SNX29: variants seen among roughly 807,000 people sequenced by gnomAD.
The protein encoded by SNX29 is sorting nexin 29.
Under a neutral mutation model 102.1 loss-of-function variants are expected in SNX29, and 78 were observed. The ratio of observed to expected loss-of-function variants is 0.76; its 90% CI spans 0.64 to 0.92. The LOEUF is 0.92. Ranked by LOEUF, SNX29 falls within the 40% of genes least tolerant of loss-of-function variation. SNX29 has a pLI of 0.00. For missense variants in SNX29, 1,280 were observed against 1,061.7 expected, an observed-to-expected ratio of 1.21 and a Z score of -2.86; for synonymous variants, 580 against 414.5, an observed-to-expected ratio of 1.40 and a Z score of -4.85.
At chr16:12,089,978 C>T (rs967136877) in intron 11 of SNX29, 1 of 207,628 alleles carries the variant, frequency 4.8e-6, no homozygotes, top group Non-Finnish European at 1.0e-5. Context: ...GCCCTAAGCA[C>T]GGTGCCCTAA....
intron 15 of SNX29, among the ~76,000 whole-genome samples, chr16:12,298,220 G>A (rs894976480): frequency 6.6e-6 from 1 of 152,134 alleles, no homozygotes; most frequent in Non-Finnish European, 1.5e-5. Context: ...AATTGATGTG[G>A]AATGATCAAT....
At chr16:12,228,868 C>G (rs1567335015) in intron 14 of SNX29, among the ~76,000 whole-genome samples, 1 of 152,266 alleles carries the variant, frequency 6.6e-6, no homozygotes, top group African/African-American at 2.4e-5. Context: ...AGAGGGACTT[C>G]ATTGCAAAGC....
At chr16:12,069,507 A>T (rs2051193082) in intron 10 of SNX29, among the ~76,000 whole-genome samples, 1 of 152,090 alleles carries the variant, frequency 6.6e-6, no homozygotes, top group Non-Finnish European at 1.5e-5. Context: ...ACCTCAGGTG[A>T]TCTGCCCACC....
chr16:12,466,375 A>C (rs1450957680), intron 18 of SNX29, among the ~76,000 whole-genome samples: 3 of 152,254 alleles, frequency 2.0e-5, no homozygotes, highest in Non-Finnish European at 2.9e-5. Flanking sequence ...GAACCATCTG[A>C]AAACACAAAT....
At chr16:12,537,929 G>A (rs891625505) in intron 20 of SNX29, among the ~76,000 whole-genome samples, 2 of 150,004 alleles carry the variant, frequency 1.3e-5, no homozygotes, top group Non-Finnish European at 2.9e-5. Flanking sequence ...AGGTTGCAGT[G>A]AGCTGAGATC....
chr16:12,530,078 C>T (rs1398142460), intron 20 of SNX29, among the ~76,000 whole-genome samples: 1 of 152,230 alleles, frequency 6.6e-6, no homozygotes, highest in Non-Finnish European at 1.5e-5. Flanking sequence ...TCCAACTACT[C>T]CCTCTTGCTT....
At chr16:12,347,728 T>C (rs1381101085) in intron 15 of SNX29, among the ~76,000 whole-genome samples, 1 of 152,118 alleles carries the variant, frequency 6.6e-6, no homozygotes, top group Non-Finnish European at 1.5e-5. Context: ...CATCCCTTTG[T>C]ACCTCGTGAC....
chr16:12,286,057 A>G (rs2079584987), intron 15 of SNX29, among the ~76,000 whole-genome samples: 1 of 151,762 alleles, frequency 6.6e-6, no homozygotes, highest in Admixed American at 6.6e-5. Context: ...TGGCCAGGCT[A>G]GTCTCAAACT....
intron 14 of SNX29, among the ~76,000 whole-genome samples, chr16:12,274,159 C>T (rs369596099): frequency 6.6e-6 from 1 of 152,200 alleles, no homozygotes; most frequent in African/African-American, 2.4e-5. Flanking sequence ...TGCCTTTATC[C>T]TGCCTCTCAC....
intron 18 of SNX29, among the ~76,000 whole-genome samples, chr16:12,409,925 A>G (rs1357777871): frequency 6.6e-6 from 1 of 152,210 alleles, no homozygotes; most frequent in South Asian, 2.1e-4. Flanking sequence ...CATTTGCGCA[A>G]CAGAACCGAT....
At chr16:12,372,141 TAC>T (rs1306007132) in intron 16 of SNX29, among the ~76,000 whole-genome samples, 1 of 152,216 alleles carries the variant, frequency 6.6e-6, no homozygotes, top group African/African-American at 2.4e-5. Context: ...GGCATATATA[TAC>T]ACACACACAT....
chr16:12,458,488 TAGTTATTTG>T lies in SNX29; in HGVS notation c.2038-19228_2038-19220del, dbSNP rs2086631122. Among the ~76,000 whole-genome samples the T allele has an allele frequency of 6.6e-5, 10 of 152,186 alleles. No homozygotes were observed. The South Asian group carries it at 2.1e-3, about 32-fold the overall frequency. Reference sequence around the variant, plus strand: ...TTGCAGCTCTTTGATTAAAGATCAGTAGTTATTTGAGGGTTTTGTATTTATTATGTACAT... The same window carrying T: ...TTGCAGCTCTTTGATTAAAGATCAGTAGGGTTTTGTATTTATTATGTACAT... On this transcript the variant is annotated intron_variant, in intron 18 of 20. Transcript: ENST00000566228.
At chr16:12,455,535 C>G (rs1434603787) in intron 18 of SNX29, among the ~76,000 whole-genome samples, 1 of 152,200 alleles carries the variant, frequency 6.6e-6, no homozygotes. Context: ...TTGTCTCTTC[C>G]CTCCCTGAGT....
In SNX29 at chr16:12,572,701, A is replaced by G; in HGVS notation, c.*4072A>G. 1.9e-6 allele frequency: 2 copies of G among 1,063,844 alleles called. No individual in the cohort carries two copies. The highest frequency in any genetic ancestry group is 2.3e-6 in the Non-Finnish European group (2 of 878,356). 65.9% of individuals were successfully genotyped at this position (1,063,844 alleles called of 1,614,324 possible). A position where few individuals can be genotyped will look rare whatever the true frequency, so the allele number is the denominator to read the frequency against. On this transcript the variant is annotated 3_prime_UTR_variant, in exon 21 of 21. Coordinates refer to ENST00000566228, the MANE Select transcript of SNX29 (RefSeq NM_032167.5). ...GGGGGAAGCCCTGCACTCCAGCAGC[A>G]TCTTCCAGCCTTGGCACAGAACTGA...
intron 18 of SNX29, among the ~76,000 whole-genome samples, chr16:12,415,810 C>G (rs2084611265): frequency 6.6e-6 from 1 of 152,198 alleles, no homozygotes; most frequent in African/African-American, 2.4e-5. Flanking sequence ...CCAACCCAGG[C>G]TGGGAATGCC....
In SNX29 at chr16:12,322,426, T is replaced by C. The variant is rs190802713; in HGVS notation, c.1783-33737T>C. On this transcript the variant is annotated intron_variant, in intron 15 of 20. Transcript: ENST00000566228. Reference sequence around the variant, plus strand: ...GTCCCATGTAAAGTACAGAGTCTAGTCCTGGATTTGAGAAACTTCTCTGAT... The same window carrying C: ...GTCCCATGTAAAGTACAGAGTCTAGCCCTGGATTTGAGAAACTTCTCTGAT... Among the ~76,000 whole-genome samples the C allele has an allele frequency of 1.9e-3, 287 of 152,334 alleles. 1 individual carries two copies. Among genetic ancestry groups the C allele is most frequent in the African/African-American group, 6.4e-3 (268 of 41,574 alleles).
chr16:12,371,731 G>C (rs2082690787), intron 16 of SNX29, among the ~76,000 whole-genome samples: 2 of 152,214 alleles, frequency 1.3e-5, no homozygotes, highest in South Asian at 4.1e-4. Context: ...TTAGAGCAAA[G>C]CTTGCAGCCA....
chr16:12,413,225 G>C (rs2084479064), intron 18 of SNX29, among the ~76,000 whole-genome samples: 1 of 152,142 alleles, frequency 6.6e-6, no homozygotes, highest in Non-Finnish European at 1.5e-5. Context: ...TACAAGTGTG[G>C]GGAATGTCTC....
intron 14 of SNX29, among the ~76,000 whole-genome samples, chr16:12,215,287 C>G (rs1219203009): frequency 6.8e-6 from 1 of 147,368 alleles, no homozygotes; most frequent in Non-Finnish European, 1.5e-5. Context: ...TGCTTAAGGC[C>G]AGGAGTTTGA....
Sources: gnomAD v4.1 joint callset for allele counts (sites outside exome capture counted in the v4.1 genomes callset) on GRCh38, gnomAD v4.1.1 for gene constraint, MANE v1.5 for transcripts, NCBI Gene and HGNC (gene_info 2026-07-23, HGNC 2026-07-21) for gene names.